SGO2: variants seen among roughly 807,000 people sequenced by gnomAD.
The protein encoded by SGO2 is shugoshin-like 2.
Under a neutral mutation model 99.5 loss-of-function variants are expected in SGO2, and 68 were observed. The observed-to-expected ratio is 0.68, with a 90% CI of 0.56 to 0.84. The LOEUF (loss-of-function observed/expected upper bound fraction) is 0.84, where lower values mean the gene tolerates loss of function less well. SGO2 is among the 40% of genes least tolerant of loss of function. SGO2 has a pLI of 0.00. For synonymous variants in SGO2, 457 were observed against 487.1 expected (o/e 0.94, Z 0.81); for missense variants, 1,350 against 1,436.7 (o/e 0.94, Z 0.97).
At chr2:200,544,683 T>A (rs2032123388) in intron 5 of SGO2, among the ~76,000 whole-genome samples, 1 of 138,812 alleles carries the variant, frequency 7.2e-6, no homozygotes, top group Non-Finnish European at 1.5e-5. Context: ...GGAGTAGAAT[T>A]ACTTGGGAGA....
intron 5 of SGO2, among the ~76,000 whole-genome samples, chr2:200,564,729 A>G (rs1284292272): frequency 6.6e-6 from 1 of 152,168 alleles, no homozygotes; most frequent in East Asian, 1.9e-4. Flanking sequence ...GACTTGCTTT[A>G]TGAATCTGGG....
chr2:200,580,168 A>C lies in SGO2; in HGVS notation c.3783-3281A>C, dbSNP rs141241913. Among the ~76,000 whole-genome samples the C allele has an allele frequency of 2.0e-5, 3 of 152,280 alleles. No homozygotes were observed. In the East Asian group the frequency reaches 5.8e-4, roughly 29 times the overall value. The stretch of plus-strand genomic sequence containing the variant: ...CAATTTTTGTTATTTGTATTTCCAC[A>C]GGAAATTATCCATTTCATCTAAGAT... On this transcript the variant is annotated intron_variant, in intron 8 of 8. Transcript: ENST00000357799.
intron 5 of SGO2, among the ~76,000 whole-genome samples, chr2:200,561,970 G>A (rs2032989064): frequency 1.3e-5 from 2 of 152,118 alleles, no homozygotes; most frequent in African/African-American, 4.8e-5. Context: ...TTTGTCAGAT[G>A]AGTAGATTGC....
chr2:200,575,701 A>ACTG (rs2033631878), intron 8 of SGO2, among the ~76,000 whole-genome samples: 1 of 151,990 alleles, frequency 6.6e-6, no homozygotes, highest in Non-Finnish European at 1.5e-5. Flanking sequence ...TCCCAGTTCT[A>ACTG]CTACTGTCAT....
At chr2:200,546,005 C>G (rs924696569) in intron 5 of SGO2, among the ~76,000 whole-genome samples, 4 of 152,040 alleles carry the variant, frequency 2.6e-5, no homozygotes, top group African/African-American at 4.8e-5. Flanking sequence ...TCCCCAGGTC[C>G]CCTGGGTGTG....
chr2:200,566,106 G>C (rs1004832606), intron 5 of SGO2, among the ~76,000 whole-genome samples: 1 of 152,144 alleles, frequency 6.6e-6, no homozygotes, highest in African/African-American at 2.4e-5. Context: ...TTTGTTCCGT[G>C]GCTGGCAAGG....
At chr2:200,563,720 T>C (rs192172603) in intron 5 of SGO2, among the ~76,000 whole-genome samples, 131 of 152,298 alleles carry the variant, frequency 8.6e-4, no homozygotes, top group African/African-American at 2.3e-3. Context: ...CTATTAATTA[T>C]TGCCTCAATT....
intron 8 of SGO2, among the ~76,000 whole-genome samples, chr2:200,581,820 A>G (rs932819800): frequency 6.6e-6 from 1 of 152,192 alleles, no homozygotes; most frequent in Non-Finnish European, 1.5e-5. Flanking sequence ...ATTTAAACTA[A>G]AATAGAACCT....
intron 4 of SGO2, among the ~76,000 whole-genome samples, chr2:200,542,034 A>G (rs146389091): frequency 1.7e-3 from 261 of 152,188 alleles, no homozygotes; most frequent in Middle Eastern, 6.8e-3. Flanking sequence ...CAGCTTGATA[A>G]TTTGGCACCA....
chr2:200,561,526 C>T (rs2032968126), intron 5 of SGO2, among the ~76,000 whole-genome samples: 1 of 152,160 alleles, frequency 6.6e-6, no homozygotes, highest in African/African-American at 2.4e-5. Flanking sequence ...CATACGTGTG[C>T]ATGTGTCTTT....
intron 5 of SGO2, chr2:200,543,692 A>G (rs1013783898): frequency 3.9e-5 from 6 of 152,184 alleles, no homozygotes; most frequent in African/African-American, 1.4e-4. Flanking sequence ...TTACCATTTC[A>G]TACCAGTACA....
chr2:200,573,470 A>G lies in SGO2; in HGVS notation c.3124A>G (p.Lys1042Glu). The change falls in exon 7 of 9, where the codon AAG becomes GAG. Residue 1042 changes from lysine (K) to glutamate (E), a missense_variant. Lys to Glu is a moderately conservative substitution (Grantham distance 56, BLOSUM62 1). Coordinates refer to ENST00000357799, the MANE Select transcript of SGO2 (RefSeq NM_152524.6). ...SDPGNPVELC[K>E]TQKQSTTTLN... ...TCCAGGAAACCCAGTTGAACTATGT[A>G]AGACTCAGAAGCAAAGCACTACCAC... 1 of 1,612,436 alleles carries G rather than the reference A, an allele frequency of 6.2e-7. No individual in the cohort carries two copies. Among genetic ancestry groups the G allele is most frequent in the Non-Finnish European group, 8.5e-7 (1 of 1,179,204 alleles).
Position 200,584,034 on chromosome 2 carries a change from T to C in SGO2, c.*570T>C, listed in dbSNP as rs377356491. Reference sequence around the variant, plus strand: ...GCTCTTTTGAATTTGGTTTTTATAATTTGGTTTTAAAGATCACTTACTCTT... The same window carrying C: ...GCTCTTTTGAATTTGGTTTTTATAACTTGGTTTTAAAGATCACTTACTCTT... On this transcript the variant is annotated 3_prime_UTR_variant, in exon 9 of 9. Transcript: ENST00000357799. Among the ~76,000 whole-genome samples, 114 of 152,358 alleles carry C rather than the reference T, an allele frequency of 7.5e-4. No homozygotes were observed. The highest frequency in any genetic ancestry group is 2.6e-3 in the African/African-American group (110 of 41,576).
Position 200,533,851 on chromosome 2 carries a change from C to T in SGO2, c.133+743C>T, listed in dbSNP as rs1419897453. Among the ~76,000 whole-genome samples, 6 of 152,246 alleles carry T rather than the reference C, an allele frequency of 3.9e-5. No homozygotes were observed. In the South Asian group the frequency reaches 1.0e-3, roughly 26 times the overall value. On this transcript the variant is annotated intron_variant, in intron 2 of 8. Transcript: ENST00000357799. ...CCTGTAAATCATGATGCAGCTCCCA[C>T]CTAGGTCTCTAGGGCCACTCCTTAC... is the stretch of plus-strand genomic sequence containing the variant.
chr2:200,563,996 T>C (rs1267478038), intron 5 of SGO2, among the ~76,000 whole-genome samples: 1 of 152,224 alleles, frequency 6.6e-6, no homozygotes, highest in Non-Finnish European at 1.5e-5. Context: ...TTGTTGATCT[T>C]TTCAAAAAAA....
intron 5 of SGO2, among the ~76,000 whole-genome samples, chr2:200,550,342 G>A (rs1391094654): frequency 6.6e-6 from 1 of 152,014 alleles, no homozygotes; most frequent in Non-Finnish European, 1.5e-5. Context: ...GAAATAAGGG[G>A]GAAAAATCCT....
chr2:200,563,188 G>A (rs1429002639), intron 5 of SGO2, among the ~76,000 whole-genome samples: 3 of 152,152 alleles, frequency 2.0e-5, no homozygotes, highest in Non-Finnish European at 4.4e-5. Context: ...ACTGGAGGCT[G>A]TGGGTTTGTC....
At chr2:200,533,527 G>GTT in intron 2 of SGO2, among the ~76,000 whole-genome samples, 1 of 145,822 alleles carries the variant, frequency 6.9e-6, no homozygotes. Context: ...ATATGTGTGT[G>GTT]TGTGTGTGTG....
chr2:200,583,526 A>G lies in SGO2; in HGVS notation c.*62A>G. 2.1e-6 allele frequency: 3 copies of G among 1,451,900 alleles called. No individual in the cohort carries two copies. The highest frequency in any genetic ancestry group is 2.8e-6 in the Non-Finnish European group (3 of 1,064,588). The allele number at this position is 1,451,900 out of a possible 1,614,324, so 89.9% of individuals were successfully genotyped here. A position where few individuals can be genotyped will look rare whatever the true frequency, so the allele number is the denominator to read the frequency against. The stretch of plus-strand genomic sequence containing the variant: ...AAGCATAAGGAATCAAAACAGAAAT[A>G]TAGTATCAAGAAGATGAAATGCTTA... On this transcript the variant is annotated 3_prime_UTR_variant, in exon 9 of 9. Coordinates refer to ENST00000357799, the MANE Select transcript of SGO2 (RefSeq NM_152524.6).
Sources: allele counts gnomAD v4.1 joint callset (sites outside exome capture counted in the v4.1 genomes callset), GRCh38; gene constraint gnomAD v4.1.1; transcripts MANE v1.5; gene names NCBI Gene and HGNC (gene_info 2026-07-23, HGNC 2026-07-21).